The following SH3GL3 variants were observed in gnomAD, a reference collection of about 807,000 sequenced individuals.
The protein encoded by SH3GL3 is SH3 domain containing GRB2 like 3, endophilin A3, also known as endophilin-A3.
SH3GL3 carries 33 observed loss-of-function variants against 47.7 expected under a neutral mutation model. That is an observed-to-expected ratio of 0.69 (90% CI 0.52 to 0.92). SH3GL3 has a LOEUF of 0.92. Ranked by LOEUF, SH3GL3 falls within the 40% of genes least tolerant of loss-of-function variation. SH3GL3 has a pLI of 0.00. For synonymous variants in SH3GL3, 155 were observed against 148.8 expected (o/e 1.04, Z -0.30); for missense variants, 363 against 417.8 (o/e 0.87, Z 1.14).
intron 4 of SH3GL3, among the ~76,000 whole-genome samples, chr15:83,572,119 G>A (rs371820898): frequency 2.6e-5 from 4 of 152,280 alleles, no homozygotes; most frequent in Middle Eastern, 3.4e-3. Flanking sequence ...AAGATCCCAC[G>A]GCTAGAAGCT....
chr15:83,490,726 T>A (rs1365173895), intron 1 of SH3GL3: 1 of 1,555,626 alleles, frequency 6.4e-7, no homozygotes, highest in African/African-American at 1.4e-5. Flanking sequence ...TATCATCCTT[T>A]GGAATTTGTT....
intron 1 of SH3GL3, among the ~76,000 whole-genome samples, chr15:83,547,696 T>C: frequency 6.6e-6 from 1 of 152,106 alleles, no homozygotes. Context: ...TTTTCTGATG[T>C]ATCTTTTTGC....
chr15:83,631,267 C>T, the SH3GL3 span, among the ~76,000 whole-genome samples: 13,487 of 152,216 alleles, frequency 0.089, 779 homozygotes, highest in South Asian at 0.25. Context: ...TCACAGTTGG[C>T]ATTGAGTGTC....
intron 3 of SH3GL3, 174 bp downstream of exon 3, chr15:83,565,380 A>G: frequency 1.7e-6 from 1 of 589,838 alleles, no homozygotes; most frequent in Non-Finnish European, 3.0e-6. Flanking sequence ...GGTCCTACTG[A>G]TGAGAAAGAG....
chr15:83,570,544 C>T (rs894765303), intron 4 of SH3GL3, among the ~76,000 whole-genome samples: 9 of 152,010 alleles, frequency 5.9e-5, no homozygotes, highest in African/African-American at 2.2e-4. Context: ...GATTGAGATT[C>T]ATTTAAATTA....
intron 8 of SH3GL3, among the ~76,000 whole-genome samples, chr15:83,613,615 A>G (rs924431110): frequency 1.4e-5 from 2 of 141,850 alleles, no homozygotes; most frequent in African/African-American, 5.4e-5. Context: ...GGAGGGAAAT[A>G]TATAAATCTA....
intron 8 of SH3GL3, among the ~76,000 whole-genome samples, chr15:83,612,462 G>A (rs898589521): frequency 6.6e-6 from 1 of 152,236 alleles, no homozygotes; most frequent in South Asian, 2.1e-4. Flanking sequence ...TGGCCCCTCA[G>A]CACTTCCTGC....
intron 1 of SH3GL3, among the ~76,000 whole-genome samples, chr15:83,553,291 T>C (rs2044761002): frequency 6.6e-6 from 1 of 152,232 alleles, no homozygotes; most frequent in South Asian, 2.1e-4. Context: ...ATTTTCCTAG[T>C]ATGTACATTT....
rs79177907 is a variant in SH3GL3 at position 83,612,512 on chromosome 15, G to A, written c.839-5570G>A. Among the ~76,000 whole-genome samples, 1,322 of 152,296 alleles carry A rather than the reference G, an allele frequency of 8.7e-3. 13 individuals are homozygous for A. The highest frequency in any genetic ancestry group is 0.029 in the African/African-American group (1,205 of 41,550). On this transcript the variant is annotated intron_variant, in intron 8 of 8. Transcript: ENST00000427482. ...AATTTGTTCACAGTTCACAGGGAGC[G>A]ACCAGCCTTCAGGCCCCATCTGTAC...
chr15:83,633,009 C>T, the SH3GL3 span, among the ~76,000 whole-genome samples: 1 of 151,730 alleles, frequency 6.6e-6, no homozygotes. Context: ...AACCCTCACA[C>T]CTACCAAAAT....
At chr15:83,494,228 AGCCACTGGAGGGAATGAGCCTGT>A (rs1161382646) in intron 1 of SH3GL3, among the ~76,000 whole-genome samples, 23 of 152,194 alleles carry the variant, frequency 1.5e-4, no homozygotes, top group Non-Finnish European at 2.8e-4. Flanking sequence ...GGCAGAGCTC[AGCCACTGGAGGGAATGAGCCTGT>A]GCCCATGGGG....
Position 83,529,165 on chromosome 15 carries a change from A to C in SH3GL3, c.46-30088A>C, listed in dbSNP as rs74024508. On this transcript the variant is annotated intron_variant, in intron 1 of 8. Coordinates refer to ENST00000427482, the MANE Select transcript of SH3GL3 (RefSeq NM_003027.5). ...TGCTGGGGATGCCTTTGCTGGCCCCAGCAGGTGGGCCAGTCCTTTGTGCCC... is the reference window on the plus strand; with the variant it reads ...TGCTGGGGATGCCTTTGCTGGCCCCCGCAGGTGGGCCAGTCCTTTGTGCCC... Among the ~76,000 whole-genome samples the C allele has an allele frequency of 2.8e-3, 424 of 152,310 alleles. 4 individuals carry two copies. The highest frequency in any genetic ancestry group is 9.6e-3 in the African/African-American group (397 of 41,568).
chr15:83,615,795 G>A (rs1394390343), intron 8 of SH3GL3, among the ~76,000 whole-genome samples: 1 of 152,062 alleles, frequency 6.6e-6, no homozygotes, highest in Admixed American at 6.6e-5. Context: ...TAAGTATGTT[G>A]TTATGACTGC....
At chr15:83,521,874 A>C (rs543899753) in intron 1 of SH3GL3, among the ~76,000 whole-genome samples, 1 of 152,328 alleles carries the variant, frequency 6.6e-6, no homozygotes, top group South Asian at 2.1e-4. Context: ...TTAATTTCCA[A>C]AATCAAGCTG....
At chr15:83,582,989 A>G (rs2151796378) in intron 6 of SH3GL3, among the ~76,000 whole-genome samples, 1 of 152,348 alleles carries the variant, frequency 6.6e-6, no homozygotes, top group Non-Finnish European at 1.5e-5. Context: ...AAAATACATG[A>G]GAAATTTTCC....
At chr15:83,632,229 TC>T in the SH3GL3 span, among the ~76,000 whole-genome samples, 1 of 152,230 alleles carries the variant, frequency 6.6e-6, no homozygotes, top group African/African-American at 2.4e-5. Flanking sequence ...TTCCAAACTT[TC>T]CCACATTTTC....
intron 1 of SH3GL3, among the ~76,000 whole-genome samples, chr15:83,468,528 G>A (rs2040682102): frequency 1.3e-5 from 2 of 152,164 alleles, no homozygotes; most frequent in South Asian, 4.1e-4. Flanking sequence ...CCACAGTGAG[G>A]AAATTTCCCT....
intron 8 of SH3GL3, among the ~76,000 whole-genome samples, chr15:83,599,426 T>C (rs1444781201): frequency 6.6e-6 from 1 of 152,236 alleles, no homozygotes; most frequent in East Asian, 1.9e-4. Flanking sequence ...TAGCTCCCAC[T>C]TATGGGTGAG....
At chr15:83,458,060 C>G (rs1373057454) in intron 1 of SH3GL3, among the ~76,000 whole-genome samples, 1 of 152,134 alleles carries the variant, frequency 6.6e-6, no homozygotes, top group Non-Finnish European at 1.5e-5. Flanking sequence ...TTTGGGGAAG[C>G]TATTACTGGC....
Sources: allele counts gnomAD v4.1 joint callset (sites outside exome capture counted in the v4.1 genomes callset), GRCh38; gene constraint gnomAD v4.1.1; transcripts MANE v1.5; gene names NCBI Gene and HGNC (gene_info 2026-07-23, HGNC 2026-07-21).